The following GNL3L variants were observed in gnomAD, a reference collection of about 807,000 sequenced individuals.
The protein encoded by GNL3L is G protein nucleolar 3 like, also known as guanine nucleotide-binding protein-like 3-like protein.
Under a neutral mutation model 42.9 loss-of-function variants are expected in GNL3L, and 4 were observed. The ratio of observed to expected loss-of-function variants is 0.09; its 90% CI spans 0.05 to 0.21. GNL3L has a LOEUF of 0.21. GNL3L is among the 10% of genes least tolerant of loss of function. GNL3L has a pLI of 1.00. For synonymous variants in GNL3L, 159 were observed against 176.3 expected (o/e 0.90, Z 0.78); for missense variants, 412 against 481.7 (o/e 0.86, Z 1.36).
At chrX:54,610,383 C>A (rs1301289370) in intron 16 of GNL3L, among the ~76,000 whole-genome samples, 1 of 111,169 alleles carries the variant, frequency 9.0e-6, no homozygotes, top group Non-Finnish European at 1.9e-5. Context: ...ACTTCTAGCA[C>A]TATATTGAAG....
chrX:54,600,852 A>G (rs950271095), intron 16 of GNL3L, among the ~76,000 whole-genome samples: 6 of 111,951 alleles, frequency 5.4e-5, no homozygotes, highest in Admixed American at 4.7e-4. Context: ...ACTACTAGGT[A>G]TAAGCCCAAG....
chrX:54,590,800 T>G, intron 16 of GNL3L, among the ~76,000 whole-genome samples: 1 of 110,149 alleles, frequency 9.1e-6, no homozygotes, highest in African/African-American at 3.3e-5. Context: ...TTAGATTTAT[T>G]TATTTATTTA....
chrX:54,572,161 A>G (rs1395881281), downstream of GNL3L, among the ~76,000 whole-genome samples: 1 of 108,883 alleles, frequency 9.2e-6, no homozygotes, highest in Non-Finnish European at 1.9e-5. Flanking sequence ...GGCCTTCTGC[A>G]GTGTTTGTGT....
At chrX:54,542,511 G>A (rs1924653443) in intron 5 of GNL3L, among the ~76,000 whole-genome samples, 1 of 111,060 alleles carries the variant, frequency 9.0e-6, no homozygotes, top group Admixed American at 9.6e-5. Flanking sequence ...TGGACATTTG[G>A]GTTGGTTCCA....
rs1184251734 is a variant in GNL3L, at chrX:54,607,075, TTTCTTTC to T, written c.*46-13760_*46-13754del. Among the ~76,000 whole-genome samples, 120 of 36,882 alleles carry T rather than the reference TTTCTTTC, an allele frequency of 3.3e-3. 7 individuals are homozygous for T. The highest frequency in any genetic ancestry group is 0.013 in the African/African-American group (98 of 7,563). The allele number at this position is 36,882 out of a possible 115,157, so 32.0% of individuals were successfully genotyped here. On this transcript the variant is annotated intron_variant, in intron 16 of 16. Transcript: ENST00000674498. ...TTCTTTCTTTCTTTCTTTCTTTCTCTTTCTTTCTTCTTTCTTTCTTTCTTTCTTTCTT... is the reference window on the plus strand; with the variant it reads ...TTCTTTCTTTCTTTCTTTCTTTCTCTTTCTTTCTTTCTTTCTTTCTTTCTT...
Position 54,544,279 on chromosome X carries a change from C to A in GNL3L, c.583C>A (p.Pro195Thr). ...GCTGGATTACCTTCGGAATGAGTTG[C>A]CAACCGTGGCTTTCAAGGCCAGTAC... ...KWLDYLRNEL[P>T]TVAFKASTQH... Residue 195 changes from proline to threonine, a missense_variant, in exon 8 of 16, where the codon CCA (proline) becomes ACA (threonine). Coordinates refer to ENST00000360845, the MANE Select transcript of GNL3L (RefSeq NM_001184819.2). The A allele has an allele frequency of 8.4e-7, 1 of 1,194,480 alleles. No individual in the cohort carries two copies. The highest frequency in any genetic ancestry group is 1.1e-6 in the Non-Finnish European group (1 of 880,666).
At chrX:54,583,337 C>T (rs1316434454) in intron 16 of GNL3L, among the ~76,000 whole-genome samples, 3 of 110,199 alleles carry the variant, frequency 2.7e-5, no homozygotes, top group East Asian at 2.9e-4. Flanking sequence ...GGATTACAGG[C>T]GTGCACCACC....
In GNL3L at chrX:54,551,622, C is replaced by T. The variant is rs925595779; in HGVS notation, c.918C>T (p.Gly306=). 3.3e-6 allele frequency: 4 copies of T among 1,210,009 alleles called. No homozygotes were observed. In the African/African-American group the frequency reaches 5.2e-5, roughly 16 times the overall value. Residue 306 remains glycine, a synonymous_variant, in exon 11 of 16, where the codon GGC becomes GGT. Coordinates refer to ENST00000360845, the MANE Select transcript of GNL3L (RefSeq NM_001184819.2). ...DKFIRLLDAP[G]IVPGPNSEVG... ...TCATCCGGCTCTTGGATGCTCCAGG[C>T]ATTGTCCCAGGGCCCAACTCAGAGG...
At chrX:54,572,818 C>G (rs1456430375) in intron 16 of GNL3L, among the ~76,000 whole-genome samples, 1 of 108,522 alleles carries the variant, frequency 9.2e-6, no homozygotes, top group Non-Finnish European at 1.9e-5. Flanking sequence ...AGGGTCTCCT[C>G]ACTTCTCAGG....
At chrX:54,592,254 A>G (rs1925880856) in intron 16 of GNL3L, among the ~76,000 whole-genome samples, 1 of 112,131 alleles carries the variant, frequency 8.9e-6, no homozygotes, top group South Asian at 3.7e-4. Flanking sequence ...ATCTCCTACA[A>G]TGAAGAATAA....
the GNL3L span, among the ~76,000 whole-genome samples, chrX:54,641,541 A>G: frequency 8.9e-6 from 1 of 111,947 alleles, no homozygotes; most frequent in Non-Finnish European, 1.9e-5. Flanking sequence ...TTTGATGGCC[A>G]CTGGCCATCT....
chrX:54,590,406 A>G (rs960007186), intron 16 of GNL3L, among the ~76,000 whole-genome samples: 9 of 111,718 alleles, frequency 8.1e-5, no homozygotes, highest in Admixed American at 4.8e-4. Context: ...TCAAATTTTT[A>G]GTTTTTTTCC....
chrX:54,568,616 C>T (rs959003745), downstream of GNL3L, among the ~76,000 whole-genome samples: 2 of 108,386 alleles, frequency 1.8e-5, no homozygotes, highest in Non-Finnish European at 3.8e-5. Context: ...TGCAGTGGCA[C>T]GATCTCCGCT....
At chrX:54,588,346 G>A (rs1198179241) in intron 16 of GNL3L, among the ~76,000 whole-genome samples, 2 of 112,093 alleles carry the variant, frequency 1.8e-5, no homozygotes, top group Admixed American at 9.5e-5. Flanking sequence ...TTGTATGTTC[G>A]TTTTTAGATG....
At chrX:54,540,272 A>G in intron 4 of GNL3L, 30 bp downstream of exon 4, 1 of 959,872 alleles carries the variant, frequency 1.0e-6, no homozygotes, top group South Asian at 2.0e-5. Flanking sequence ...GGGGAGAGAG[A>G]GGGCCTGCCT....
intron 16 of GNL3L, among the ~76,000 whole-genome samples, chrX:54,583,924 TGA>T (rs1925748238): frequency 9.1e-6 from 1 of 109,960 alleles, no homozygotes; most frequent in Non-Finnish European, 1.9e-5. Flanking sequence ...ATTATAGGCG[TGA>T]GCCACTGCAC....
At chrX:54,531,236 T>C (rs888866682) in intron 1 of GNL3L, among the ~76,000 whole-genome samples, 7 of 111,069 alleles carry the variant, frequency 6.3e-5, no homozygotes, top group Non-Finnish European at 5.7e-5. Flanking sequence ...TAGACACAGA[T>C]CATCCCCCTA....
chrX:54,578,738 C>T (rs1925667257), intron 16 of GNL3L, among the ~76,000 whole-genome samples: 1 of 112,251 alleles, frequency 8.9e-6, no homozygotes, highest in Non-Finnish European at 1.9e-5. Flanking sequence ...TATTTGCAAG[C>T]ACATTTTTGT....
chrX:54,573,365 G>T (rs1276867583), intron 16 of GNL3L, among the ~76,000 whole-genome samples: 1 of 110,023 alleles, frequency 9.1e-6, no homozygotes, highest in African/African-American at 3.5e-5. Context: ...CCAACACAGC[G>T]AAACCCCATC....
Sources: gnomAD v4.1 joint callset for allele counts (sites outside exome capture counted in the v4.1 genomes callset) on GRCh38, gnomAD v4.1.1 for gene constraint, MANE v1.5 for transcripts, NCBI Gene and HGNC (gene_info 2026-07-23, HGNC 2026-07-21) for gene names.